Variants in AHCYL1 observed in about 807,000 individuals in gnomAD.
The protein encoded by AHCYL1 is adenosylhomocysteinase like 1.
A neutral mutation model predicts 79.3 loss-of-function variants in AHCYL1; 20 were observed. The ratio of observed to expected loss-of-function variants is 0.25; its 90% CI spans 0.18 to 0.37. AHCYL1 has a LOEUF of 0.37. AHCYL1 is among the 10% of genes least tolerant of loss of function. The pLI is 1.00. For missense variants in AHCYL1, 330 were observed against 673.6 expected, an observed-to-expected ratio of 0.49 and a Z score of 5.65; for synonymous variants, 223 against 242.2, an observed-to-expected ratio of 0.92 and a Z score of 0.74.
At chr1:110,009,190 GT>G in intron 2 of AHCYL1, 45 bp downstream of exon 2, 2 of 1,529,488 alleles carry the variant, frequency 1.3e-6, no homozygotes, top group Non-Finnish European at 1.8e-6. Flanking sequence ...TCTCTTCCCT[GT>G]TTGCTACCAG....
intron 1 of AHCYL1, 122 bp from the exon 2 acceptor site, chr1:110,008,912 C>A: frequency 1.5e-6 from 1 of 667,428 alleles, no homozygotes; most frequent in Non-Finnish European, 2.4e-6. Context: ...GGGAAAGTTG[C>A]TGGCTTAGTA....
chr1:110,015,682 A>C, intron 7 of AHCYL1, 151 bp downstream of exon 7: 2 of 632,132 alleles, frequency 3.2e-6, no homozygotes, highest in South Asian at 4.7e-5. Flanking sequence ...TGAAAAATCA[A>C]GTTGATCCTA....
At chr1:110,017,719 A>C in intron 10 of AHCYL1, 136 bp downstream of exon 10, 1 of 1,060,180 alleles carries the variant, frequency 9.4e-7, no homozygotes, top group Non-Finnish European at 1.4e-6. Context: ...TGTTCTTCTC[A>C]CTCTAACCCT....
At chr1:109,996,188 C>A (rs1264289010) in intron 1 of AHCYL1, among the ~76,000 whole-genome samples, 1 of 152,068 alleles carries the variant, frequency 6.6e-6, no homozygotes, top group East Asian at 1.9e-4. Context: ...CCAGCCTGGG[C>A]AACAGAGCAA....
At chr1:110,007,747 A>G (rs952641892) in intron 1 of AHCYL1, among the ~76,000 whole-genome samples, 3 of 152,304 alleles carry the variant, frequency 2.0e-5, no homozygotes, top group African/African-American at 4.8e-5. Flanking sequence ...ACCTTTTCAG[A>G]TTTAGTCAGA....
At chr1:110,012,769 T>A (rs1651122817) in intron 4 of AHCYL1, 128 bp from the exon 5 acceptor site, 2 of 656,290 alleles carry the variant, frequency 3.0e-6, no homozygotes, top group Non-Finnish European at 4.9e-6. Context: ...GAGTACACCC[T>A]TTTGTAACTT....
In AHCYL1 at chr1:110,019,665, A is replaced by AT. The variant is rs761901095; in HGVS notation, c.1465+40dup. 1.1e-5 allele frequency: 17 copies of AT among 1,566,814 alleles called. 1 individual carries two copies. The highest frequency in any genetic ancestry group is 3.4e-4 in the Middle Eastern group (2 of 5,908). On this transcript the variant is annotated intron_variant, in intron 15 of 16. Coordinates refer to ENST00000369799, the MANE Select transcript of AHCYL1 (RefSeq NM_006621.7). ...AGTGGAAATCTATGCAGACAGCTGC[A>AT]TAGTTTGGTAAAATGACTGCCATGA... is the stretch of plus-strand genomic sequence containing the variant.
chr1:109,985,342 C>T (rs1363970434), intron 1 of AHCYL1, 170 bp downstream of exon 1: 20 of 1,325,332 alleles, frequency 1.5e-5, no homozygotes, highest in Non-Finnish European at 1.8e-5. Flanking sequence ...GCTGAAAGGC[C>T]GCCTCTGACC....
At chr1:109,985,368 C>T in intron 1 of AHCYL1, 196 bp downstream of exon 1, 1 of 1,320,780 alleles carries the variant, frequency 7.6e-7, no homozygotes, top group Non-Finnish European at 9.7e-7. Context: ...TTCCTTTGTC[C>T]CTCGGCCCAA....
At position 110,011,239 on chromosome 1, in the gene AHCYL1, T is replaced by C. The variant is rs767095958; in HGVS notation, c.258T>C (p.Asp86=). 15 of 1,614,160 alleles carry C rather than the reference T, an allele frequency of 9.3e-6. 1 individual carries two copies. In the South Asian group the frequency reaches 1.5e-4, roughly 17 times the overall value. The change falls in exon 3 of 17, where the codon GAT becomes GAC. Residue 86 remains aspartate (D), a synonymous_variant. Transcript: ENST00000369799. ...SSAASYTDSS[D]DEVSPREKQQ... is the part of the protein sequence containing the mutation. Reference sequence around the variant, plus strand: ...CTGCATCCTACACAGATAGCTCTGATGATGAGGTTTCTCCCCGAGAGAAGC... The same window carrying C: ...CTGCATCCTACACAGATAGCTCTGACGATGAGGTTTCTCCCCGAGAGAAGC...
At chr1:109,993,158 C>T (rs1649856646) in intron 1 of AHCYL1, among the ~76,000 whole-genome samples, 1 of 152,220 alleles carries the variant, frequency 6.6e-6, no homozygotes, top group Non-Finnish European at 1.5e-5. Context: ...AACTCTACTG[C>T]TCTTCATATG....
chr1:110,019,421 G>A (rs1651645365), intron 14 of AHCYL1, 127 bp from the exon 15 acceptor site: 1 of 863,026 alleles, frequency 1.2e-6, no homozygotes, highest in South Asian at 1.6e-5. Flanking sequence ...TATAGGCAAA[G>A]TCCTAGGTAC....
rs971828131 is a variant in AHCYL1 at position 109,995,685 on chromosome 1, C to A, written c.120+10513C>A. ...ATTTCTTAGATCAGCACTTCTCATT[C>A]TGTGGAAGGAGAAGAAGGTATCAGT... On this transcript the variant is annotated intron_variant, in intron 1 of 16. Coordinates refer to ENST00000369799, the MANE Select transcript of AHCYL1 (RefSeq NM_006621.7). The A allele has an allele frequency of 5.1e-6, 5 of 985,268 alleles. No individual in the cohort carries two copies. The Admixed American group carries it at 2.5e-4, about 48-fold the overall frequency. The allele number at this position is 985,268 out of a possible 1,614,324, so 61.0% of individuals were successfully genotyped here.
At chr1:110,004,048 T>C (rs1650487231) in intron 1 of AHCYL1, 2 of 985,344 alleles carry the variant, frequency 2.0e-6, no homozygotes, top group Middle Eastern at 5.2e-4. Context: ...GACTCAGCAG[T>C]TTGGGGCCTG....
At chr1:109,987,515 A>G (rs769570021) in intron 1 of AHCYL1, among the ~76,000 whole-genome samples, 9 of 152,216 alleles carry the variant, frequency 5.9e-5, no homozygotes, top group Non-Finnish European at 7.3e-5. Flanking sequence ...GCCAGAGGAT[A>G]TAGGTTACTT....
chr1:110,003,362 AC>A (rs1473491584), intron 1 of AHCYL1, among the ~76,000 whole-genome samples: 2 of 151,996 alleles, frequency 1.3e-5, no homozygotes, highest in Non-Finnish European at 2.9e-5. Context: ...GAGAGAAAAA[AC>A]CTATTATGGA....
At chr1:109,985,722 A>G (rs1649432406) in intron 1 of AHCYL1, among the ~76,000 whole-genome samples, 1 of 152,246 alleles carries the variant, frequency 6.6e-6, no homozygotes, top group Non-Finnish European at 1.5e-5. Flanking sequence ...CACTTTCTAC[A>G]GCATTCCAAT....
chr1:110,007,890 A>G (rs778175978), intron 1 of AHCYL1, among the ~76,000 whole-genome samples: 1 of 152,238 alleles, frequency 6.6e-6, no homozygotes, highest in African/African-American at 2.4e-5. Context: ...CCATGTAATA[A>G]AAGTGTTACA....
chr1:110,017,710 G>C, intron 10 of AHCYL1, 127 bp downstream of exon 10: 3 of 1,093,920 alleles, frequency 2.7e-6, no homozygotes, highest in Non-Finnish European at 4.0e-6. Context: ...GGACTGCTCT[G>C]TTCTTCTCAC....
Sources: gnomAD v4.1 joint callset for allele counts (sites outside exome capture counted in the v4.1 genomes callset) on GRCh38, gnomAD v4.1.1 for gene constraint, MANE v1.5 for transcripts, NCBI Gene and HGNC (gene_info 2026-07-23, HGNC 2026-07-21) for gene names.